Variants in DSC3 observed in about 807,000 individuals in gnomAD.
DSC3 encodes the protein desmocollin-3.
In DSC3, 97 loss-of-function variants were observed where a neutral mutation model predicts 89.5. The ratio of observed to expected loss-of-function variants is 1.08; its 90% CI spans 0.92 to 1.28. DSC3 has a LOEUF of 1.28. Among genes scored for constraint, DSC3 ranks in the 50% most tolerant of loss-of-function variants. DSC3 has a pLI of 0.00. For synonymous variants in DSC3, 436 were observed against 384.1 expected (o/e 1.14, Z -1.58); for missense variants, 1,199 against 1,085.3 (o/e 1.10, Z -1.47).
At chr18:31,038,663 T>A (rs1986042327) in intron 1 of DSC3, among the ~76,000 whole-genome samples, 4 of 152,070 alleles carry the variant, frequency 2.6e-5, no homozygotes, top group African/African-American at 9.7e-5. Context: ...CTTTCCTTTT[T>A]AAAAAATGTT....
At chr18:31,035,220 C>T (rs1464008028) in intron 1 of DSC3, among the ~76,000 whole-genome samples, 1 of 152,012 alleles carries the variant, frequency 6.6e-6, no homozygotes, top group Non-Finnish European at 1.5e-5. Context: ...CAAATATATA[C>T]ATTATCACAA....
At chr18:31,029,959 C>T (rs1985726444) in intron 3 of DSC3, among the ~76,000 whole-genome samples, 1 of 152,172 alleles carries the variant, frequency 6.6e-6, no homozygotes, top group African/African-American at 2.4e-5. Flanking sequence ...CTGTCTACAA[C>T]AATCTCCAGA....
At chr18:31,040,632 G>A (rs1483385660) in intron 1 of DSC3, among the ~76,000 whole-genome samples, 1 of 152,152 alleles carries the variant, frequency 6.6e-6, no homozygotes, top group Non-Finnish European at 1.5e-5. Flanking sequence ...GCTGCTTACT[G>A]GGAAGACTAA....
At chr18:31,004,390 A>AT (rs773875890) in intron 12 of DSC3, 24 bp from the exon 13 acceptor site, 1 of 1,596,814 alleles carries the variant, frequency 6.3e-7, no homozygotes. Flanking sequence ...AAAGAAGTTT[A>AT]TTTTTTAATG....
chr18:31,031,140 G>A lies in DSC3; in HGVS notation c.187C>T (p.Leu63Phe), dbSNP rs1207244389. The stretch of plus-strand genomic sequence containing the variant: ...AAATCAGGATCACTTGACCGGATGA[G>A]GTCTGCAGACCTGAAGCACTCTTCC... ...NLEECFRSAD[L>F]IRSSDPDFRV... is the part of the protein sequence containing the mutation. The change falls in exon 3 of 16, where the codon CTC (leucine) becomes TTC (phenylalanine). Residue 63 changes from leucine (L) to phenylalanine (F), a missense_variant. Coordinates refer to ENST00000360428, the MANE Select transcript of DSC3 (RefSeq NM_001941.5). 2 of 1,613,104 alleles carry A rather than the reference G, an allele frequency of 1.2e-6. No homozygotes were observed. Among genetic ancestry groups the A allele is most frequent in the South Asian group, 1.1e-5 (1 of 90,786 alleles).
intron 9 of DSC3, among the ~76,000 whole-genome samples, chr18:31,017,326 TC>T (rs2144707737): frequency 6.6e-6 from 1 of 152,262 alleles, no homozygotes; most frequent in African/African-American, 2.4e-5. Flanking sequence ...TAAGCCTCTT[TC>T]AATCAATGAA....
intron 5 of DSC3, 24 bp downstream of exon 5, chr18:31,025,736 C>A: frequency 6.2e-7 from 1 of 1,609,396 alleles, no homozygotes; most frequent in South Asian, 1.1e-5. Flanking sequence ...AATTTAAAGT[C>A]AGGCATATCA....
chr18:31,024,561 C>T (rs1273004035), intron 5 of DSC3, 68 bp from the exon 6 acceptor site: 1 of 1,520,208 alleles, frequency 6.6e-7, no homozygotes, highest in African/African-American at 1.4e-5. Context: ...GATGCTTTAT[C>T]TACTACCTGC....
rs11081672 is a variant in DSC3, at chr18:30,990,645, G to A, written c.*3530C>T. ...ATCATCTTGTCATTAAAGTTCAGGC[G>A]TTATCTATCCTGTAAGTGGCAGAAT... On this transcript the variant is annotated 3_prime_UTR_variant, in exon 16 of 16. Transcript: ENST00000360428. The A allele has an allele frequency of 0.2, 30,501 of 152,054 alleles. 3,699 individuals are homozygous for A. Among genetic ancestry groups the A allele is most frequent in the East Asian group, 0.61 (3,144 of 5,156 alleles). 9.4% of individuals were successfully genotyped at this position (152,054 alleles called of 1,614,324 possible).
intron 14 of DSC3, among the ~76,000 whole-genome samples, chr18:30,999,008 G>A (rs1330536683): frequency 2.0e-5 from 3 of 152,130 alleles, no homozygotes; most frequent in African/African-American, 7.2e-5. Flanking sequence ...ACTAGAGGAT[G>A]ACAAAGAGTC....
At chr18:31,006,563 G>C (rs192767037) in intron 12 of DSC3, among the ~76,000 whole-genome samples, 29 of 152,192 alleles carry the variant, frequency 1.9e-4, no homozygotes, top group African/African-American at 6.7e-4. Flanking sequence ...GCCTCCCAAA[G>C]TGCTGGGATT....
At chr18:31,003,936 G>T (rs1457984992) in intron 13 of DSC3, among the ~76,000 whole-genome samples, 1 of 152,144 alleles carries the variant, frequency 6.6e-6, no homozygotes, top group African/African-American at 2.4e-5. Flanking sequence ...CAACAATTCT[G>T]TCTAAGCATA....
chr18:31,015,072 T>A (rs546080466), intron 9 of DSC3, among the ~76,000 whole-genome samples: 1 of 152,318 alleles, frequency 6.6e-6, no homozygotes, highest in South Asian at 2.1e-4. Context: ...GTAGCTACTT[T>A]TAAAATTCTA....
intron 4 of DSC3, among the ~76,000 whole-genome samples, chr18:31,027,991 C>A (rs1462014651): frequency 2.0e-5 from 3 of 152,026 alleles, no homozygotes; most frequent in Admixed American, 1.3e-4. Context: ...AAATAACAAG[C>A]ATTTTATTTC....
chr18:31,041,823 C>T (rs1031710644), intron 1 of DSC3, among the ~76,000 whole-genome samples: 20 of 152,148 alleles, frequency 1.3e-4, no homozygotes, highest in Admixed American at 6.5e-5. Flanking sequence ...CGCAGTCCTC[C>T]CCGGAGCCGG....
rs1279563416 is a variant in DSC3 at position 30,992,548 on chromosome 18, G to T, written c.*1627C>A. The T allele has an allele frequency of 2.0e-5, 3 of 152,210 alleles. No homozygotes were observed. The highest frequency in any genetic ancestry group is 7.2e-5 in the African/African-American group (3 of 41,454). The allele number at this position is 152,210 out of a possible 1,614,324, so 9.4% of individuals were successfully genotyped here. On this transcript the variant is annotated 3_prime_UTR_variant, in exon 16 of 16. Coordinates refer to ENST00000360428, the MANE Select transcript of DSC3 (RefSeq NM_001941.5). ...AAGGCAGTGCCAAGCCTAGGAAAAA[G>T]TATGAAGCAGACGATGTTGCTTTTA...
intron 1 of DSC3, among the ~76,000 whole-genome samples, chr18:31,037,962 A>G (rs1282505760): frequency 6.6e-6 from 1 of 152,116 alleles, no homozygotes; most frequent in Non-Finnish European, 1.5e-5. Context: ...TTCTTTTGAA[A>G]TGAAATGTTT....
chr18:30,997,914 C>T (rs1984531166), intron 14 of DSC3, among the ~76,000 whole-genome samples: 2 of 152,122 alleles, frequency 1.3e-5, no homozygotes, highest in African/African-American at 4.8e-5. Context: ...TTCAGGGGTC[C>T]CCAACTTCAA....
intron 13 of DSC3, among the ~76,000 whole-genome samples, chr18:31,002,221 TG>T (rs779996171): frequency 6.6e-5 from 10 of 152,192 alleles, no homozygotes; most frequent in Non-Finnish European, 1.3e-4. Flanking sequence ...ATCATAATTG[TG>T]GGAGATTGAA....
Sources: gnomAD v4.1 joint callset for allele counts (sites outside exome capture counted in the v4.1 genomes callset) on GRCh38, gnomAD v4.1.1 for gene constraint, MANE v1.5 for transcripts, NCBI Gene and HGNC (gene_info 2026-07-23, HGNC 2026-07-21) for gene names.